Variants in ZNF469 observed in about 807,000 individuals in gnomAD.
The protein encoded by ZNF469 is zinc finger protein 469.
Under a neutral mutation model 1.0 loss-of-function variants are expected in ZNF469, and 1 was observed. The observed-to-expected ratio is 1.00, with a 90% CI of 0.35 to 4.73. ZNF469 has a LOEUF of 4.73. Among genes scored for constraint, ZNF469 ranks in the 30% most tolerant of loss-of-function variants. The pLI, the probability that ZNF469 is intolerant of heterozygous loss-of-function variation, is 0.16. For synonymous variants in ZNF469, 2,703 were observed against 2,363.4 expected (o/e 1.14, Z -4.17); for missense variants, 6,100 against 5,356.3 (o/e 1.14, Z -4.33).
the ZNF469 span, among the ~76,000 whole-genome samples, chr16:88,343,069 G>T: frequency 6.6e-6 from 1 of 152,146 alleles, no homozygotes. Flanking sequence ...TAGGCGTCCT[G>T]TCTCACACCC....
the ZNF469 span, among the ~76,000 whole-genome samples, chr16:88,243,066 TC>T: frequency 2.0e-5 from 3 of 152,154 alleles, no homozygotes; most frequent in Admixed American, 1.3e-4. Flanking sequence ...GTATTCTGCA[TC>T]CCCTGGGCCC....
At chr16:88,281,601 G>A in the ZNF469 span, among the ~76,000 whole-genome samples, 8 of 150,934 alleles carry the variant, frequency 5.3e-5, 1 homozygote, top group African/African-American at 1.7e-4. Flanking sequence ...CAATTTTGGT[G>A]CGTGGGTTAA....
chr16:88,370,954 G>A, the ZNF469 span, among the ~76,000 whole-genome samples: 1 of 152,246 alleles, frequency 6.6e-6, no homozygotes, highest in South Asian at 2.1e-4. Context: ...ACCTGCTGGA[G>A]GATGGGAGGC....
At position 88,382,976 on chromosome 16, in the gene ZNF469, G is replaced by C. The variant is rs1567496695; in HGVS notation, c.-470G>C. Among the ~76,000 whole-genome samples, 2 of 151,980 alleles carry C rather than the reference G, an allele frequency of 1.3e-5. No individual in the cohort carries two copies. The highest frequency in any genetic ancestry group is 4.1e-4 in the South Asian group (2 of 4,828). ...CGGGGGGCAGACCCCGCGGCCGCCGGCCGGCGTCCGGCCTTCCCAGCACCC... is the reference window on the plus strand; with the variant it reads ...CGGGGGGCAGACCCCGCGGCCGCCGCCCGGCGTCCGGCCTTCCCAGCACCC... On this transcript the variant is annotated 5_prime_UTR_variant, in exon 1 of 3. Coordinates refer to ENST00000565624, the MANE Select transcript of ZNF469 (RefSeq NM_001367624.2).
At chr16:88,426,853 A>G (rs377411591) in intron 2 of ZNF469, among the ~76,000 whole-genome samples, 18 of 152,218 alleles carry the variant, frequency 1.2e-4, no homozygotes, top group African/African-American at 4.1e-4. Context: ...TCAGTCCCCT[A>G]TGTCCTGCAA....
the ZNF469 span, among the ~76,000 whole-genome samples, chr16:88,368,311 G>A: frequency 4.9e-4 from 75 of 152,354 alleles, no homozygotes; most frequent in Middle Eastern, 0.01. Context: ...CAGGGTACAG[G>A]TGACCTGGGC....
the ZNF469 span, among the ~76,000 whole-genome samples, chr16:88,297,235 T>C: frequency 1.3e-5 from 2 of 152,146 alleles, no homozygotes; most frequent in Non-Finnish European, 2.9e-5. Flanking sequence ...CTGAGTGGTC[T>C]CTCGGCTGTG....
At chr16:88,157,898 A>G in the ZNF469 span, among the ~76,000 whole-genome samples, 2 of 151,894 alleles carry the variant, frequency 1.3e-5, no homozygotes, top group Non-Finnish European at 2.9e-5. Context: ...ATGACCAGGG[A>G]TCCTGTGTTG....
intron 1 of ZNF469, among the ~76,000 whole-genome samples, chr16:88,407,140 G>A (rs1023152976): frequency 3.3e-5 from 5 of 150,584 alleles, no homozygotes; most frequent in Admixed American, 1.3e-4. Flanking sequence ...GTGTGTGCCC[G>A]GCGCTCTGTG....
the ZNF469 span, among the ~76,000 whole-genome samples, chr16:88,183,220 G>A: frequency 6.6e-6 from 1 of 152,330 alleles, no homozygotes; most frequent in Non-Finnish European, 1.5e-5. Flanking sequence ...CGTTGCTGGC[G>A]GGGGTGGAAA....
At chr16:88,274,643 G>A in the ZNF469 span, among the ~76,000 whole-genome samples, 3 of 152,350 alleles carry the variant, frequency 2.0e-5, no homozygotes, top group Admixed American at 2.0e-4. Context: ...TGAAAAGGCC[G>A]TGGGGGTGTG....
chr16:88,369,386 C>T, the ZNF469 span, among the ~76,000 whole-genome samples: 1 of 152,346 alleles, frequency 6.6e-6, no homozygotes, highest in African/African-American at 2.4e-5. Context: ...CTTGGCATTG[C>T]CTGACTCACA....
intron 1 of ZNF469, among the ~76,000 whole-genome samples, chr16:88,388,517 C>T (rs907368344): frequency 1.3e-5 from 2 of 152,250 alleles, no homozygotes; most frequent in Non-Finnish European, 2.9e-5. Context: ...ACAGAGCCTG[C>T]GTCTCCAGGC....
In ZNF469 at chr16:88,399,024, G is replaced by A. The variant is rs146399351; in HGVS notation, c.-192+15770G>A. On this transcript the variant is annotated intron_variant, in intron 1 of 2. Transcript: ENST00000565624. ...ATAGAGACGTTAACCACTGTCAGCTGCCACGTAACAAGCAGCCCCACTGCT... is the reference window on the plus strand; with the variant it reads ...ATAGAGACGTTAACCACTGTCAGCTACCACGTAACAAGCAGCCCCACTGCT... Among the ~76,000 whole-genome samples, 258 of 152,348 alleles carry A rather than the reference G, an allele frequency of 1.7e-3. 2 individuals carry two copies. The highest frequency in any genetic ancestry group is 5.8e-3 in the African/African-American group (243 of 41,590).
At chr16:88,165,706 C>A in the ZNF469 span, among the ~76,000 whole-genome samples, 7 of 152,144 alleles carry the variant, frequency 4.6e-5, no homozygotes, top group African/African-American at 1.2e-4. Context: ...GCTGTGCAAA[C>A]CTCACCAGCA....
At chr16:88,156,595 A>C in the ZNF469 span, among the ~76,000 whole-genome samples, 6,027 of 152,346 alleles carry the variant, frequency 0.04, 399 homozygotes, top group African/African-American at 0.14. Context: ...ATAAAAATTA[A>C]TACCTGCATC....
At chr16:88,211,972 G>A in the ZNF469 span, among the ~76,000 whole-genome samples, 4 of 152,176 alleles carry the variant, frequency 2.6e-5, no homozygotes, top group African/African-American at 9.7e-5. Flanking sequence ...AATTTGTCCA[G>A]TGATTATGGT....
chr16:88,207,829 G>A, the ZNF469 span, among the ~76,000 whole-genome samples: 4 of 150,972 alleles, frequency 2.6e-5, no homozygotes, highest in Non-Finnish European at 5.9e-5. Flanking sequence ...CAGCTGGGGC[G>A]CCCTGGATAA....
At chr16:88,221,637 C>A in the ZNF469 span, among the ~76,000 whole-genome samples, 1 of 152,234 alleles carries the variant, frequency 6.6e-6, no homozygotes, top group African/African-American at 2.4e-5. Context: ...GTGAGAGCCC[C>A]CGTCATGCAT....
Sources: gnomAD v4.1 joint callset for allele counts (sites outside exome capture counted in the v4.1 genomes callset) on GRCh38, gnomAD v4.1.1 for gene constraint, MANE v1.5 for transcripts, NCBI Gene and HGNC (gene_info 2026-07-23, HGNC 2026-07-21) for gene names.